Variants in MSL2 observed in about 807,000 individuals in gnomAD.
MSL2 encodes E3 ubiquitin-protein ligase MSL2.
Under a neutral mutation model 35.8 loss-of-function variants are expected in MSL2, and 2 were observed. That is an observed-to-expected ratio of 0.06 (90% CI 0.02 to 0.18). MSL2 has a LOEUF of 0.18. MSL2 is among the 10% of genes least tolerant of loss of function. MSL2 has a pLI of 1.00. For synonymous variants in MSL2, 296 were observed against 255.7 expected, an observed-to-expected ratio of 1.16 and a Z score of -1.50; for missense variants, 523 against 706.7, an observed-to-expected ratio of 0.74 and a Z score of 2.95.
intron 1 of MSL2, among the ~76,000 whole-genome samples, chr3:136,168,797 T>C (rs1163088151): frequency 1.3e-5 from 2 of 152,090 alleles, no homozygotes; most frequent in South Asian, 2.1e-4. Flanking sequence ...TATTAAGTTT[T>C]CCAGGTTCAC....
At chr3:136,173,664 C>T (rs1940091372) in intron 1 of MSL2, among the ~76,000 whole-genome samples, 1 of 152,176 alleles carries the variant, frequency 6.6e-6, no homozygotes, top group Non-Finnish European at 1.5e-5. Flanking sequence ...AGCTTATCTC[C>T]GTGCCTTACC....
chr3:136,186,379 T>C (rs1940524710), intron 1 of MSL2, among the ~76,000 whole-genome samples: 1 of 152,178 alleles, frequency 6.6e-6, no homozygotes, highest in Admixed American at 6.6e-5. Flanking sequence ...CCTCCTCTAT[T>C]CTTCTAATCA....
Position 136,151,745 on chromosome 3 carries a change from T to C in MSL2, c.1136A>G (p.Lys379Arg), listed in dbSNP as rs771623845. The C allele has an allele frequency of 6.2e-7, 1 of 1,614,182 alleles. No homozygotes were observed. Among genetic ancestry groups the C allele is most frequent in the Admixed American group, 1.7e-5 (1 of 60,024 alleles). The change falls in exon 2 of 2, where the codon AAA becomes AGA. Residue 379 changes from lysine to arginine, a missense_variant. This residue lies in a region of MSL2 where 361 missense variants were observed against 414.6 expected (regional missense o/e 0.87). Transcript: ENST00000309993. This position sits in a 1 kb window ranked among gnomAD's most constrained non-coding sequence, Gnocchi z 5.2. ...SAPVTVKRES[K>R]ISLQPIATVP... Reference sequence around the variant, plus strand: ...AGTTGCTATAGGTTGAAGAGAAATTTTGCTCTCCCGTTTCACTGTCACAGG... The same window carrying C: ...AGTTGCTATAGGTTGAAGAGAAATTCTGCTCTCCCGTTTCACTGTCACAGG...
chr3:136,156,834 G>A (rs948813667), intron 1 of MSL2, among the ~76,000 whole-genome samples: 11 of 152,116 alleles, frequency 7.2e-5, no homozygotes, highest in East Asian at 1.9e-4. Flanking sequence ...CAGCCTGGGC[G>A]ACAGAGCCAG....
At chr3:136,161,824 T>C (rs551409567) in intron 1 of MSL2, among the ~76,000 whole-genome samples, 108 of 152,200 alleles carry the variant, frequency 7.1e-4, no homozygotes, top group Non-Finnish European at 9.6e-4. Context: ...AAGGCACCAA[T>C]AGTTACAGAA....
chr3:136,152,653 C>G lies in MSL2; in HGVS notation c.228G>C (p.Met76Ile). 1 of 1,614,174 alleles carries G rather than the reference C, an allele frequency of 6.2e-7. No individual in the cohort carries two copies. Among genetic ancestry groups the G allele is most frequent in the Non-Finnish European group, 8.5e-7 (1 of 1,180,034 alleles). Residue 76 changes from methionine to isoleucine, a missense_variant, in exon 2 of 2, where the codon ATG becomes ATC. Physicochemically the swap from Met to Ile is conservative, Grantham distance 10. Around this residue, in one of 5 missense-constraint regions of MSL2, gnomAD observed 41 missense variants for 83.3 expected, o/e 0.49. Transcript: ENST00000309993. ...VCKTCKGKKM[M>I]MKPSCSWCKD... Reference sequence around the variant, plus strand: ...TGCACCAGCTACAGGAAGGTTTCATCATCATTTTCTTGCCTTTACAAGTTT... The same window carrying G: ...TGCACCAGCTACAGGAAGGTTTCATGATCATTTTCTTGCCTTTACAAGTTT...
chr3:136,154,577 AAAAATG>A (rs747389519), intron 1 of MSL2, among the ~76,000 whole-genome samples: 211 of 152,246 alleles, frequency 1.4e-3, no homozygotes, highest in Non-Finnish European at 2.4e-3. Flanking sequence ...TGGGAAAAAA[AAAAATG>A]AGAAAAATCC....
rs757682996 is a variant in MSL2 at position 136,151,583 on chromosome 3, G to C, written c.1298C>G (p.Ala433Gly). The change falls in exon 2 of 2, where the codon GCA (alanine) becomes GGA (glycine). Residue 433 changes from alanine (A) to glycine (G), a missense_variant. Around this residue, in one of 5 missense-constraint regions of MSL2, gnomAD observed 361 missense variants for 414.6 expected, o/e 0.87. Coordinates refer to ENST00000309993, the MANE Select transcript of MSL2 (RefSeq NM_018133.4). This position sits in a 1 kb window ranked among gnomAD's most constrained non-coding sequence, Gnocchi z 5.2. Reference protein sequence around the residue: ...TKPGILKKDKAVKEKIPSHHF... With the variant: ...TKPGILKKDKGVKEKIPSHHF... ...ATGACTAGGAATCTTTTCCTTTACT[G>C]CTTTGTCTTTTTTAAGAATACCTGG... 1.5e-5 allele frequency: 24 copies of C among 1,613,982 alleles called. No individual in the cohort carries two copies. Among genetic ancestry groups the C allele is most frequent in the East Asian group, 2.2e-5 (1 of 44,894 alleles).
intron 1 of MSL2, among the ~76,000 whole-genome samples, chr3:136,165,444 AAGTC>A (rs1363694567): frequency 2.0e-4 from 30 of 152,114 alleles, no homozygotes; most frequent in South Asian, 4.1e-4. Flanking sequence ...GCTTTTCCTC[AAGTC>A]AGTCAATTTT....
intron 1 of MSL2, chr3:136,155,600 G>A (rs1410244856): frequency 1.2e-5 from 4 of 341,160 alleles, no homozygotes; most frequent in South Asian, 3.2e-5. Context: ...AACCCCAAGA[G>A]GAGCCTGCTT....
At position 136,195,353 on chromosome 3, in the gene MSL2, C is replaced by G; in HGVS notation, c.-240G>C. On this transcript the variant is annotated 5_prime_UTR_variant, in exon 1 of 2. Coordinates refer to ENST00000309993, the MANE Select transcript of MSL2 (RefSeq NM_018133.4). ...CAGACCAAAAATATGAGAGAGAAAC[C>G]AGCGTTCGAGTTCGTCCGGAGCGAC... 1.6e-6 allele frequency: 2 copies of G among 1,285,776 alleles called. No homozygotes were observed. The highest frequency in any genetic ancestry group is 2.0e-6 in the Non-Finnish European group (2 of 1,016,556). 79.6% of individuals were successfully genotyped at this position (1,285,776 alleles called of 1,614,324 possible). A position where few individuals can be genotyped will look rare whatever the true frequency, so the allele number is the denominator to read the frequency against.
At chr3:136,176,282 G>A (rs1298542682) in intron 1 of MSL2, among the ~76,000 whole-genome samples, 4 of 152,164 alleles carry the variant, frequency 2.6e-5, no homozygotes, top group Admixed American at 1.3e-4. Context: ...GGGAAGCCAC[G>A]GCAGGTGGAT....
intron 1 of MSL2, among the ~76,000 whole-genome samples, chr3:136,168,367 TACTC>T: frequency 6.6e-6 from 1 of 152,236 alleles, no homozygotes; most frequent in African/African-American, 2.4e-5. Context: ...TATCTTAAAA[TACTC>T]AAAAAAATTA....
chr3:136,161,494 C>CA (rs1262461473), intron 1 of MSL2, among the ~76,000 whole-genome samples: 1 of 152,142 alleles, frequency 6.6e-6, no homozygotes, highest in Admixed American at 6.5e-5. Context: ...AGTAGATAAA[C>CA]AAAATGTATA....
intron 1 of MSL2, among the ~76,000 whole-genome samples, chr3:136,165,539 T>C (rs558028726): frequency 8.5e-5 from 13 of 152,322 alleles, no homozygotes; most frequent in African/African-American, 2.6e-4. Context: ...TGTTGATAAT[T>C]AATTTACTAA....
intron 1 of MSL2, among the ~76,000 whole-genome samples, chr3:136,169,491 T>C (rs945057406): frequency 2.0e-5 from 3 of 152,062 alleles, no homozygotes; most frequent in African/African-American, 7.2e-5. Flanking sequence ...CTCTGTCACC[T>C]AGGCTGCAGT....
chr3:136,159,351 T>C lies in MSL2; in HGVS notation c.143-6613A>G, dbSNP rs35538063. On this transcript the variant is annotated intron_variant, in intron 1 of 1. Transcript: ENST00000309993. ...TGATTCAATGGGGAAAGGAGAGTAC[T>C]TTCTTTTTTTTTTTTTTTTTTTTTT... is the stretch of plus-strand genomic sequence containing the variant. Among the ~76,000 whole-genome samples, 12 of 136,208 alleles carry C rather than the reference T, an allele frequency of 8.8e-5. No homozygotes were observed. The South Asian group carries it at 2.6e-3, about 30-fold the overall frequency. 89.4% of individuals were successfully genotyped at this position (136,208 alleles called of 152,430 possible).
intron 1 of MSL2, among the ~76,000 whole-genome samples, chr3:136,164,229 A>AG (rs1939780400): frequency 6.6e-6 from 1 of 152,204 alleles, no homozygotes; most frequent in African/African-American, 2.4e-5. Context: ...TCCTCACAGG[A>AG]ATAATCCAGC....
At chr3:136,155,595 C>T in intron 1 of MSL2, 1 of 337,550 alleles carries the variant, frequency 3.0e-6, no homozygotes, top group South Asian at 3.2e-5. Flanking sequence ...CATTCAACCC[C>T]AAGAGGAGCC....
Sources: allele counts gnomAD v4.1 joint callset (sites outside exome capture counted in the v4.1 genomes callset), GRCh38; gene constraint gnomAD v4.1.1; regional missense constraint gnomAD v4.1.1; non-coding constraint Gnocchi (gnomAD v3.1); transcripts MANE v1.5; gene names NCBI Gene and HGNC (gene_info 2026-07-23, HGNC 2026-07-21).